Variants in AUTS2 observed in about 807,000 individuals in gnomAD.
AUTS2 encodes activator of transcription and developmental regulator AUTS2.
In AUTS2, 17 loss-of-function variants were observed where a neutral mutation model predicts 112.4. The observed-to-expected ratio is 0.15, with a 90% confidence interval of 0.10 to 0.23. AUTS2 has a LOEUF of 0.23. Ranked by LOEUF, AUTS2 falls within the 10% of genes least tolerant of loss-of-function variation. The probability of loss-of-function intolerance (pLI) is 1.00; values close to 1 mark genes in which losing one functional copy is unlikely to be tolerated. For missense variants in AUTS2, 1,510 were observed against 1,701.6 expected (o/e 0.89, Z 1.98); for synonymous variants, 751 against 702.7 (o/e 1.07, Z -1.09).
intron 5 of AUTS2, among the ~76,000 whole-genome samples, chr7:70,638,161 C>T (rs902554825): frequency 1.3e-5 from 2 of 152,076 alleles, no homozygotes; most frequent in Non-Finnish European, 2.9e-5. Flanking sequence ...TCTTTCTCCC[C>T]AAACCCAAAG....
chr7:70,067,609 T>C (rs1243170013), intron 2 of AUTS2, among the ~76,000 whole-genome samples: 1 of 152,116 alleles, frequency 6.6e-6, no homozygotes, highest in African/African-American at 2.4e-5. Flanking sequence ...ACTTTGGTAG[T>C]TCAAGGTGGG....
At chr7:70,659,594 G>C (rs1357491883) in intron 5 of AUTS2, among the ~76,000 whole-genome samples, 1 of 152,108 alleles carries the variant, frequency 6.6e-6, no homozygotes, top group Non-Finnish European at 1.5e-5. Context: ...TTATTGCAGG[G>C]GTTCAAGTTA....
chr7:70,537,690 C>T (rs1800378651), intron 5 of AUTS2, among the ~76,000 whole-genome samples: 1 of 152,126 alleles, frequency 6.6e-6, no homozygotes, highest in Admixed American at 6.5e-5. Context: ...ACACAGCTCT[C>T]TCCTGTAAGC....
At chr7:70,147,170 T>C (rs139146217) in intron 4 of AUTS2, among the ~76,000 whole-genome samples, 8 of 151,716 alleles carry the variant, frequency 5.3e-5, no homozygotes, top group African/African-American at 1.9e-4. Context: ...TGGAGTGTGC[T>C]ATAATCATGC....
chr7:70,551,386 C>G (rs535734960), intron 5 of AUTS2, among the ~76,000 whole-genome samples: 1 of 152,214 alleles, frequency 6.6e-6, no homozygotes, highest in Admixed American at 6.5e-5. Flanking sequence ...TCAGTAGTCA[C>G]AAATCACATT....
chr7:70,469,944 T>C (rs1234476209), intron 5 of AUTS2, among the ~76,000 whole-genome samples: 1 of 152,080 alleles, frequency 6.6e-6, no homozygotes, highest in Non-Finnish European at 1.5e-5. Flanking sequence ...CCAGCCAGGT[T>C]CATGGTTTTA....
rs143276112 is a variant in AUTS2, at chr7:70,432,548, A to T, written c.661-3204A>T. On this transcript the variant is annotated intron_variant, in intron 4 of 18. Coordinates refer to ENST00000342771, the MANE Select transcript of AUTS2 (RefSeq NM_015570.4). ...AAACCGCTGCCAGTGAAGCAGAAAG[A>T]CTCCTTAGGACTGTGGCTCGCTTTC... Among the ~76,000 whole-genome samples the T allele has an allele frequency of 6.2e-4, 94 of 151,930 alleles. 1 individual carries two copies. Among genetic ancestry groups the T allele is most frequent in the Admixed American group, 1.7e-3 (26 of 15,266 alleles).
At chr7:69,747,784 GGTGTGTGTGT>G (rs10695531) in intron 1 of AUTS2, among the ~76,000 whole-genome samples, 2 of 144,502 alleles carry the variant, frequency 1.4e-5, no homozygotes, top group Non-Finnish European at 3.0e-5. Flanking sequence ...GAAGGAGAGG[GGTGTGTGTGT>G]GTGTGTGTGT....
At chr7:70,646,801 A>T (rs894647699) in intron 5 of AUTS2, among the ~76,000 whole-genome samples, 5 of 152,238 alleles carry the variant, frequency 3.3e-5, no homozygotes, top group African/African-American at 1.2e-4. Context: ...GGCTCAGGGC[A>T]GCAGGGCTGG....
intron 5 of AUTS2, among the ~76,000 whole-genome samples, chr7:70,526,829 C>T (rs906316028): frequency 7.9e-5 from 12 of 152,272 alleles, no homozygotes; most frequent in African/African-American, 2.6e-4. Flanking sequence ...TCCTCTCTCC[C>T]GACACCCTCA....
At chr7:70,300,134 A>C (rs904796143) in intron 4 of AUTS2, among the ~76,000 whole-genome samples, 2 of 152,184 alleles carry the variant, frequency 1.3e-5, no homozygotes, top group Non-Finnish European at 2.9e-5. Context: ...GTTATCACCT[A>C]GGGCAGGGGT....
chr7:70,369,405 C>A (rs768875138), intron 4 of AUTS2, among the ~76,000 whole-genome samples: 9 of 152,036 alleles, frequency 5.9e-5, no homozygotes, highest in South Asian at 2.1e-4. Flanking sequence ...TCTTTTATTG[C>A]CCTAATTGCT....
chr7:70,769,278 C>T (rs146134128), intron 10 of AUTS2, among the ~76,000 whole-genome samples: 1 of 152,316 alleles, frequency 6.6e-6, no homozygotes, highest in African/African-American at 2.4e-5. Flanking sequence ...ACATATTTCA[C>T]GGGGACACCC....
intron 4 of AUTS2, among the ~76,000 whole-genome samples, chr7:70,210,045 A>T (rs954918327): frequency 1.3e-5 from 2 of 152,152 alleles, no homozygotes; most frequent in Non-Finnish European, 1.5e-5. Flanking sequence ...GGAACAACAA[A>T]TGACATTGGG....
At chr7:70,213,869 AG>A (rs1161781836) in intron 4 of AUTS2, among the ~76,000 whole-genome samples, 1 of 152,204 alleles carries the variant, frequency 6.6e-6, no homozygotes, top group Non-Finnish European at 1.5e-5. Context: ...ACCTCCCTAA[AG>A]TTAGAGTTAT....
intron 1 of AUTS2, among the ~76,000 whole-genome samples, chr7:69,784,927 A>G (rs1789298946): frequency 6.6e-6 from 1 of 152,192 alleles, no homozygotes; most frequent in African/African-American, 2.4e-5. Flanking sequence ...GGTAAACAAA[A>G]AAAGGTCCTT....
chr7:70,730,951 T>A (rs1260677814), intron 6 of AUTS2, among the ~76,000 whole-genome samples: 1 of 152,208 alleles, frequency 6.6e-6, no homozygotes, highest in East Asian at 1.9e-4. Flanking sequence ...CGGTGTGAAG[T>A]AATATTTGAT....
chr7:70,493,906 A>G (rs1279968586), intron 5 of AUTS2, among the ~76,000 whole-genome samples: 1 of 152,214 alleles, frequency 6.6e-6, no homozygotes, highest in Non-Finnish European at 1.5e-5. Flanking sequence ...TTGCAGTTCT[A>G]GGCAGTTAAA....
intron 1 of AUTS2, among the ~76,000 whole-genome samples, chr7:69,706,935 G>C (rs6945524): frequency 2.0e-5 from 3 of 152,184 alleles, no homozygotes; most frequent in African/African-American, 7.2e-5. Flanking sequence ...GTACACAAAG[G>C]CTGGTATGTT....
Sources: gnomAD v4.1 joint callset for allele counts (sites outside exome capture counted in the v4.1 genomes callset) on GRCh38, gnomAD v4.1.1 for gene constraint, MANE v1.5 for transcripts, NCBI Gene and HGNC (gene_info 2026-07-23, HGNC 2026-07-21) for gene names.